CDK13: variants seen among roughly 807,000 people sequenced by gnomAD.
CDK13 encodes cyclin-dependent kinase 13.
In CDK13, 40 loss-of-function variants were observed where a neutral mutation model predicts 137.6. The ratio of observed to expected loss-of-function variants is 0.29; its 90% confidence interval spans 0.23 to 0.38. The LOEUF is 0.38. CDK13 is among the 10% of genes least tolerant of loss of function. The pLI, the probability that CDK13 is intolerant of heterozygous loss-of-function variation, is 1.00. For synonymous variants in CDK13, 869 were observed against 760.1 expected (o/e 1.14, Z -2.36); for missense variants, 1,704 against 1,951.8 (o/e 0.87, Z 2.39).
chr7:40,052,927 T>G (rs141707326), intron 7 of CDK13, among the ~76,000 whole-genome samples: 1 of 152,102 alleles, frequency 6.6e-6, no homozygotes, highest in East Asian at 1.9e-4. Flanking sequence ...AAGGATCTTC[T>G]GAGAATCACT....
intron 5 of CDK13, among the ~76,000 whole-genome samples, chr7:40,021,670 A>G (rs369705206): frequency 8.5e-5 from 13 of 152,298 alleles, no homozygotes; most frequent in Admixed American, 3.3e-4. Flanking sequence ...ATATATATGT[A>G]TAATGCTTAC....
intron 11 of CDK13, among the ~76,000 whole-genome samples, chr7:40,082,790 CAA>C (rs76440638): frequency 4.9e-4 from 30 of 61,060 alleles, no homozygotes; most frequent in East Asian, 4.9e-4. Context: ...GACTCTGCCT[CAA>C]AAAAAAAAAA....
At chr7:39,984,128 A>G (rs1249041424) in intron 1 of CDK13, 1 of 152,212 alleles carries the variant, frequency 6.6e-6, no homozygotes, top group Non-Finnish European at 1.5e-5. Flanking sequence ...CTAAGAACGG[A>G]AATTTTCAGT....
At chr7:40,019,984 G>A (rs1290115277) in intron 5 of CDK13, among the ~76,000 whole-genome samples, 2 of 152,056 alleles carry the variant, frequency 1.3e-5, no homozygotes, top group Non-Finnish European at 2.9e-5. Flanking sequence ...TTTGTTATTT[G>A]TCTCTGGCTT....
intron 5 of CDK13, among the ~76,000 whole-genome samples, chr7:40,006,511 C>T (rs375369971): frequency 2.0e-5 from 3 of 152,104 alleles, no homozygotes; most frequent in East Asian, 3.9e-4. Flanking sequence ...CATTTTAGTG[C>T]TGTTTATAAT....
intron 6 of CDK13, among the ~76,000 whole-genome samples, chr7:40,046,727 G>T (rs1217940218): frequency 6.6e-6 from 1 of 151,716 alleles, no homozygotes; most frequent in East Asian, 1.9e-4. Context: ...TAGTGGCCGG[G>T]TGGGGCAGCT....
rs1007263035 is a variant in CDK13, at chr7:39,951,159, G to A, written c.518G>A (p.Gly173Glu). The A allele has an allele frequency of 4.8e-6, 6 of 1,243,252 alleles. No individual in the cohort carries two copies. The highest frequency in any genetic ancestry group is 6.0e-6 in the Non-Finnish European group (6 of 995,374). 77.0% of individuals were successfully genotyped at this position (1,243,252 alleles called of 1,614,324 possible). ...GCAACGGCGGCGACGGCTGCCGGGG[G>A]AACGGGGGGCAGCGGCGGGAGTCCG... ...SAATAATAAG[G>E]TGGSGGSPAS... The change falls in exon 1 of 14, where the codon GGA (glycine) becomes GAA (glutamate). Residue 173 changes from glycine to glutamate, a missense_variant. By Grantham distance (98) the Gly-to-Glu change is moderately conservative. Transcript: ENST00000181839.
At chr7:40,011,864 G>C (rs190397547) in intron 5 of CDK13, among the ~76,000 whole-genome samples, 6 of 152,250 alleles carry the variant, frequency 3.9e-5, no homozygotes. Flanking sequence ...GAACGGGGAA[G>C]ATATTTGTAT....
intron 1 of CDK13, among the ~76,000 whole-genome samples, chr7:39,965,194 T>G (rs1783840145): frequency 6.6e-6 from 1 of 152,194 alleles, no homozygotes; most frequent in Non-Finnish European, 1.5e-5. Context: ...ACTTTCTGTC[T>G]CGTTGATCTG....
At chr7:39,999,179 G>C (rs928132926) in intron 3 of CDK13, 182 bp from the exon 4 acceptor site, 14 of 442,260 alleles carry the variant, frequency 3.2e-5, no homozygotes, top group Non-Finnish European at 5.5e-5. Context: ...TGATACCTCA[G>C]TTTTTACGAT....
At chr7:40,048,044 A>G (rs1221812023) in intron 7 of CDK13, 167 bp downstream of exon 7, 1 of 447,954 alleles carries the variant, frequency 2.2e-6, no homozygotes. Context: ...TATTGTAATT[A>G]CAATATTTTA....
chr7:40,031,451 G>A (rs1220766507), intron 5 of CDK13, among the ~76,000 whole-genome samples: 1 of 152,020 alleles, frequency 6.6e-6, no homozygotes, highest in African/African-American at 2.4e-5. Context: ...CAACCTAGGG[G>A]GCAGAGGCTG....
At chr7:39,964,929 CG>C (rs1182338177) in intron 1 of CDK13, among the ~76,000 whole-genome samples, 3 of 152,058 alleles carry the variant, frequency 2.0e-5, no homozygotes, top group Admixed American at 6.5e-5. Flanking sequence ...TGTAGTTGAG[CG>C]GTTTGGAGTG....
intron 1 of CDK13, chr7:39,952,539 A>C (rs1787264664): frequency 6.6e-6 from 1 of 152,206 alleles, no homozygotes; most frequent in Non-Finnish European, 1.5e-5. Context: ...AAATGACAAG[A>C]CTGTGGTTTC....
chr7:40,081,320 T>A lies in CDK13; in HGVS notation c.3029+2469T>A, dbSNP rs541401974. On this transcript the variant is annotated intron_variant, in intron 11 of 13. Transcript: ENST00000181839. ...AACTTTGACCAAGAGATGTAACCAC[T>A]GTACTTAAAAATGTCAACATAGTAA... Among the ~76,000 whole-genome samples, 8 of 152,298 alleles carry A rather than the reference T, an allele frequency of 5.3e-5. No homozygotes were observed. In the East Asian group the frequency reaches 1.3e-3, roughly 26 times the overall value.
chr7:40,063,258 T>C (rs1258552429), intron 9 of CDK13, among the ~76,000 whole-genome samples, 158 bp downstream of exon 9: 1 of 152,146 alleles, frequency 6.6e-6, no homozygotes, highest in Non-Finnish European at 1.5e-5. Flanking sequence ...TGTAGGCACT[T>C]TGATACTTGT....
rs900164978 is a variant in CDK13 at position 39,950,868 on chromosome 7, C to T, written c.227C>T (p.Ala76Val). Residue 76 changes from alanine to valine, a missense_variant, in exon 1 of 14, where the codon GCC becomes GTC. Ala to Val is a moderately conservative substitution (Grantham distance 64, BLOSUM62 0). Transcript: ENST00000181839. Reference protein sequence around the residue: ...TAAAAAAAAAASSSCFSPGPP... With the variant: ...TAAAAAAAAAVSSSCFSPGPP... Reference sequence around the variant, plus strand: ...GCCGCCGCAGCCGCCGCCGCCGCGGCCTCCTCCTCTTGCTTCAGCCCGGGC... The same window carrying T: ...GCCGCCGCAGCCGCCGCCGCCGCGGTCTCCTCCTCTTGCTTCAGCCCGGGC... 17 of 1,368,754 alleles carry T rather than the reference C, an allele frequency of 1.2e-5. No individual in the cohort carries two copies. The highest frequency in any genetic ancestry group is 7.7e-5 in the African/African-American group (5 of 65,316). The allele number at this position is 1,368,754 out of a possible 1,614,324, so 84.8% of individuals were successfully genotyped here.
chr7:40,023,762 G>T (rs1470664583), intron 5 of CDK13, among the ~76,000 whole-genome samples: 2 of 152,136 alleles, frequency 1.3e-5, no homozygotes, highest in Non-Finnish European at 2.9e-5. Flanking sequence ...TGAGATTACA[G>T]GCGTGAGCCA....
chr7:40,014,561 C>G (rs1784965944), intron 5 of CDK13, among the ~76,000 whole-genome samples: 1 of 150,704 alleles, frequency 6.6e-6, no homozygotes, highest in African/African-American at 2.4e-5. Flanking sequence ...CTCAAGTGAT[C>G]CACCTACCTC....
Sources: gnomAD v4.1 joint callset for allele counts (sites outside exome capture counted in the v4.1 genomes callset) on GRCh38, gnomAD v4.1.1 for gene constraint, MANE v1.5 for transcripts, NCBI Gene and HGNC (gene_info 2026-07-23, HGNC 2026-07-21) for gene names.